The following SNX25 variants were observed in gnomAD, a reference collection of about 807,000 sequenced individuals.
The protein encoded by SNX25 is sorting nexin 25, also known as sorting nexin-25.
Under a neutral mutation model 113.7 loss-of-function variants are expected in SNX25, and 62 were observed. That is an observed-to-expected ratio of 0.55 (90% confidence interval 0.44 to 0.67). The LOEUF (loss-of-function observed/expected upper bound fraction) is 0.67, where lower values mean the gene tolerates loss of function less well. SNX25 is among the 30% of genes least tolerant of loss of function. SNX25 has a pLI of 0.00. For missense variants in SNX25, 1,014 were observed against 1,161.0 expected, an observed-to-expected ratio of 0.87 and a Z score of 1.84; for synonymous variants, 421 against 436.2, an observed-to-expected ratio of 0.97 and a Z score of 0.43.
rs1181344140 is a variant in SNX25, at chr4:185,239,714, G to T, written c.430-7580G>T. 6.4e-5 allele frequency among the ~76,000 whole-genome samples: 9 copies of T among 141,670 alleles called. No homozygotes were observed. In the South Asian group the frequency reaches 6.8e-4, roughly 11 times the overall value. 92.9% of individuals were successfully genotyped at this position (141,670 alleles called of 152,430 possible). On this transcript the variant is annotated intron_variant, in intron 1 of 18. Transcript: ENST00000652585. The stretch of plus-strand genomic sequence containing the variant: ...CTTTGCTTTCTTTTTTTTTGTTTCG[G>T]TTTTTTTTTGTGTGTGTTTTTCACT...
At chr4:185,376,945 C>A in the SNX25 span, 1 of 1,613,750 alleles carries the variant, frequency 6.2e-7, no homozygotes, top group Non-Finnish European at 8.5e-7. Context: ...GGAAATATGC[C>A]AGAGTGTCTC....
At chr4:185,244,444 C>T (rs1252398913) in intron 1 of SNX25, among the ~76,000 whole-genome samples, 1 of 152,138 alleles carries the variant, frequency 6.6e-6, no homozygotes, top group Non-Finnish European at 1.5e-5. Context: ...ATATTACCCC[C>T]AAAATTCGTA....
At chr4:185,340,891 G>T (rs537821371) in intron 11 of SNX25, among the ~76,000 whole-genome samples, 1 of 152,134 alleles carries the variant, frequency 6.6e-6, no homozygotes. Context: ...TCCCAGAAAG[G>T]TGCGGAGGAT....
chr4:185,342,144 T>C, intron 12 of SNX25, 28 bp downstream of exon 12: 2 of 1,515,272 alleles, frequency 1.3e-6, no homozygotes, highest in Non-Finnish European at 1.8e-6. Context: ...CGCAGTATTC[T>C]AGAATTACTG....
chr4:185,325,913 T>C (rs1025241932), intron 9 of SNX25, among the ~76,000 whole-genome samples: 8 of 152,254 alleles, frequency 5.3e-5, no homozygotes, highest in African/African-American at 1.9e-4. Flanking sequence ...AAGTCAAGTT[T>C]GATTCCTTAA....
At chr4:185,371,627 G>A (rs2095416425), downstream of SNX25, among the ~76,000 whole-genome samples, 1 of 151,422 alleles carries the variant, frequency 6.6e-6, no homozygotes, top group Non-Finnish European at 1.5e-5. Context: ...GTGAGAATGT[G>A]ATCCAGTCAA....
chr4:185,323,552 G>T lies in SNX25; in HGVS notation c.1501G>T (p.Glu501Ter). 1 of 1,611,424 alleles carries T rather than the reference G, an allele frequency of 6.2e-7. No individual in the cohort carries two copies. Among genetic ancestry groups the T allele is most frequent in the South Asian group, 1.1e-5 (1 of 90,384 alleles). The change falls in exon 9 of 19, where the codon GAA (glutamate) becomes TAA (stop). Residue 501 changes from glutamate to a stop codon, truncating the protein, a stop_gained. Coordinates refer to ENST00000652585, the MANE Select transcript of SNX25 (RefSeq NM_001378034.2). LOFTEE classifies it high-confidence loss of function. ...NKNEIPQLVG[E>*]IYQNFFVESK... ...GAATGAAATTCCACAATTAGTTGGT[G>T]AAATTTATCAGAATTTCTTTGTGGA...
At chr4:185,217,791 G>C (rs114896113) in intron 1 of SNX25, among the ~76,000 whole-genome samples, 2 of 152,154 alleles carry the variant, frequency 1.3e-5, no homozygotes, top group Admixed American at 1.3e-4. Context: ...GTTTGGTGCC[G>C]AGCGTTCAGG....
chr4:185,303,653 T>C (rs1754027368), intron 6 of SNX25, among the ~76,000 whole-genome samples: 1 of 129,834 alleles, frequency 7.7e-6, no homozygotes. Context: ...AGCGAGACTC[T>C]GTCTCAAAAA....
At chr4:185,209,084 C>A (rs1223816511), upstream of SNX25, among the ~76,000 whole-genome samples, 2 of 152,232 alleles carry the variant, frequency 1.3e-5, no homozygotes, top group African/African-American at 4.8e-5. This position sits in a 1 kb window ranked among gnomAD's most constrained non-coding sequence, Gnocchi z 5.2. Flanking sequence ...AGGCCGACTT[C>A]TTTGGACCTT....
chr4:185,325,480 C>G (rs901094899), intron 9 of SNX25, among the ~76,000 whole-genome samples: 66 of 146,040 alleles, frequency 4.5e-4, no homozygotes, highest in African/African-American at 1.6e-3. Flanking sequence ...TTGCAGTGAG[C>G]CAAGATCGTG....
chr4:185,273,027 G>A (rs115443816), intron 5 of SNX25, among the ~76,000 whole-genome samples: 290 of 152,232 alleles, frequency 1.9e-3, no homozygotes, highest in African/African-American at 6.1e-3. Context: ...TACCCTTACA[G>A]TTGCGACAAA....
chr4:185,371,095 A>G (rs548172094), downstream of SNX25: 38 of 301,242 alleles, frequency 1.3e-4, no homozygotes, highest in African/African-American at 7.0e-4. Flanking sequence ...TAATATTACT[A>G]CTGGAAGTTT....
intron 12 of SNX25, among the ~76,000 whole-genome samples, chr4:185,345,753 T>C (rs1334792290): frequency 1.3e-5 from 2 of 151,940 alleles, no homozygotes; most frequent in African/African-American, 2.4e-5. Flanking sequence ...ATCACGCCAC[T>C]GCACTCAGCC....
At chr4:185,359,699 G>A (rs1474347520) in intron 16 of SNX25, among the ~76,000 whole-genome samples, 2 of 152,082 alleles carry the variant, frequency 1.3e-5, no homozygotes, top group Non-Finnish European at 2.9e-5. Flanking sequence ...TCCCAAAATG[G>A]CCTTCTTTTT....
In SNX25 at chr4:185,363,526, T is replaced by A; in HGVS notation, c.*61T>A. 1 of 1,514,498 alleles carries A rather than the reference T, an allele frequency of 6.6e-7. No individual in the cohort carries two copies. The highest frequency in any genetic ancestry group is 9.2e-7 in the Non-Finnish European group (1 of 1,090,754). 93.8% of individuals were successfully genotyped at this position (1,514,498 alleles called of 1,614,324 possible). On this transcript the variant is annotated 3_prime_UTR_variant, in exon 19 of 19. Coordinates refer to ENST00000652585, the MANE Select transcript of SNX25 (RefSeq NM_001378034.2). The surrounding 1 kb of genome is among the most constrained non-coding windows in gnomAD (Gnocchi z 4.2). ...TAATAATAGACATGAAACATTTTCCTCTTTTCCACAGAGGGCTTAACTGAG... is the reference window on the plus strand; with the variant it reads ...TAATAATAGACATGAAACATTTTCCACTTTTCCACAGAGGGCTTAACTGAG...
At position 185,346,592 on chromosome 4, in the gene SNX25, A is replaced by G; in HGVS notation, c.2243A>G (p.Lys748Arg). Residue 748 changes from lysine to arginine, a missense_variant, in exon 13 of 19, where the codon AAA becomes AGA. By Grantham distance (26) the Lys-to-Arg change is conservative. Coordinates refer to ENST00000652585, the MANE Select transcript of SNX25 (RefSeq NM_001378034.2). ...QLPSLSKLPF[K>R]SIDQKFMEKS... ...CCTTCTCTTAGCAAGCTGCCTTTCAAATCTATAGATCAAAAGTTTATGGAA... is the reference window on the plus strand; with the variant it reads ...CCTTCTCTTAGCAAGCTGCCTTTCAGATCTATAGATCAAAAGTTTATGGAA... The G allele has an allele frequency of 6.3e-7, 1 of 1,597,582 alleles. No individual in the cohort carries two copies.
intron 15 of SNX25, 145 bp from the exon 16 acceptor site, chr4:185,357,526 C>T (rs769621005): frequency 3.0e-4 from 201 of 672,102 alleles, no homozygotes; most frequent in Non-Finnish European, 4.9e-4. Context: ...TGACCTAAAC[C>T]CAAATTCTGC....
At chr4:185,230,691 G>A (rs1280709784) in intron 1 of SNX25, among the ~76,000 whole-genome samples, 1 of 152,124 alleles carries the variant, frequency 6.6e-6, no homozygotes. Context: ...GAGCCACTGC[G>A]CCTGGCCCAG....
Sources: gnomAD v4.1 joint callset for allele counts (sites outside exome capture counted in the v4.1 genomes callset) on GRCh38, gnomAD v4.1.1 for gene constraint, Gnocchi (gnomAD v3.1) non-coding constraint, MANE v1.5 for transcripts, NCBI Gene and HGNC (gene_info 2026-07-23, HGNC 2026-07-21) for gene names.